Variants in ANKS3 observed in about 807,000 individuals in gnomAD.
ANKS3 encodes the protein ankyrin repeat and sterile alpha motif domain containing 3, also known as ankyrin repeat and SAM domain-containing protein 3.
Under a neutral mutation model 80.7 loss-of-function variants are expected in ANKS3, and 62 were observed. That is an observed-to-expected ratio of 0.77 (90% confidence interval 0.63 to 0.95). The LOEUF (loss-of-function observed/expected upper bound fraction) is 0.95, where lower values mean the gene tolerates loss of function less well. ANKS3 is among the 40% of genes least tolerant of loss of function. ANKS3 has a pLI of 0.00. For missense variants in ANKS3, 1,150 were observed against 883.6 expected, an observed-to-expected ratio of 1.30 and a Z score of -3.82; for synonymous variants, 489 against 355.3, an observed-to-expected ratio of 1.38 and a Z score of -4.23.
At chr16:4,696,953 C>G in intron 17 of ANKS3, 57 bp from the exon 18 acceptor site, 1 of 1,521,530 alleles carries the variant, frequency 6.6e-7, no homozygotes, top group South Asian at 1.1e-5. Flanking sequence ...ATACCCACAC[C>G]TGCAGCCGCC....
chr16:4,713,741 C>G (rs934081949), intron 7 of ANKS3, among the ~76,000 whole-genome samples: 1 of 152,192 alleles, frequency 6.6e-6, no homozygotes, highest in Non-Finnish European at 1.5e-5. Flanking sequence ...GAAGAATGAA[C>G]AAGCCATAGC....
At chr16:4,713,969 G>C (rs531699251) in intron 7 of ANKS3, 82 bp downstream of exon 7, 1 of 1,549,620 alleles carries the variant, frequency 6.5e-7, no homozygotes, top group African/African-American at 1.4e-5. Flanking sequence ...CGGGGAAGCG[G>C]GGGACATCTT....
rs2079759891 is a variant in ANKS3 at position 4,699,149 on chromosome 16, C to T, written c.1312G>A (p.Gly438Arg). 3 of 1,613,946 alleles carry T rather than the reference C, an allele frequency of 1.9e-6. No homozygotes were observed. Among genetic ancestry groups the T allele is most frequent in the South Asian group, 2.2e-5 (2 of 91,084 alleles). Residue 438 changes from glycine to arginine, a missense_variant, in exon 12 of 18, where the codon GGG (glycine) becomes AGG (arginine). Transcript: ENST00000304283. ...QDLAALLEQI[G>R]CLKYLQVFEE... ...AACACCTGCAGGTACTTCAGACACC[C>T]GATCTGCTCCAGCAGTGCGGCAAGG... is the stretch of plus-strand genomic sequence containing the variant.
intron 9 of ANKS3, 167 bp downstream of exon 9, chr16:4,701,935 G>C (rs1472466259): frequency 1.2e-6 from 1 of 839,500 alleles, no homozygotes; most frequent in Non-Finnish European, 1.8e-6. Flanking sequence ...TGGACCAGAA[G>C]CTTCTCCCAT....
Position 4,727,041 on chromosome 16 carries a change from G to C in ANKS3, c.307C>G (p.Gln103Glu). 1 of 1,614,188 alleles carries C rather than the reference G, an allele frequency of 6.2e-7. No individual in the cohort carries two copies. Among genetic ancestry groups the C allele is most frequent in the Non-Finnish European group, 8.5e-7 (1 of 1,180,054 alleles). The part of the protein sequence containing the change: ...VSVNVPTPEG[Q>E]TPLMLASSCG... ...CTGGAGGCCAGCATCAGTGGAGTCTGCCCTTCTGGGGTCGGCACATTCACA... is the reference window on the plus strand; with the variant it reads ...CTGGAGGCCAGCATCAGTGGAGTCTCCCCTTCTGGGGTCGGCACATTCACA... Residue 103 changes from glutamine (Q) to glutamate (E), a missense_variant, in exon 4 of 18, where the codon CAG becomes GAG. Physicochemically the swap from Gln to Glu is conservative, Grantham distance 29. Coordinates refer to ENST00000304283, the MANE Select transcript of ANKS3 (RefSeq NM_133450.4).
At chr16:4,711,849 T>C (rs959996320) in intron 7 of ANKS3, among the ~76,000 whole-genome samples, 1 of 151,496 alleles carries the variant, frequency 6.6e-6, no homozygotes, top group African/African-American at 2.4e-5. Flanking sequence ...AAAGAAAGTA[T>C]GAGGAGGCCA....
intron 11 of ANKS3, 176 bp downstream of exon 11, chr16:4,700,794 G>A (rs760288599): frequency 2.0e-5 from 17 of 861,738 alleles, no homozygotes; most frequent in East Asian, 7.3e-5. Context: ...GCGCTGCAGC[G>A]GGGCTGCCAG....
In ANKS3 at chr16:4,720,915, C is replaced by A. The variant is rs144836360; in HGVS notation, c.573+3835G>T. 7.6e-3 allele frequency among the ~76,000 whole-genome samples: 1,126 copies of A among 147,432 alleles called. 13 individuals carry two copies. Among genetic ancestry groups the A allele is most frequent in the African/African-American group, 0.027 (1,068 of 40,288 alleles). ...TTGCGCCACTGCACTCCAGCCAGGG[C>A]TACAGAGCGAGACTCCATCTCAAAA... is the stretch of plus-strand genomic sequence containing the variant. On this transcript the variant is annotated intron_variant, in intron 6 of 17. Transcript: ENST00000304283.
chr16:4,730,232 C>T, intron 2 of ANKS3, 81 bp from the exon 3 acceptor site: 6 of 1,299,122 alleles, frequency 4.6e-6, no homozygotes, highest in East Asian at 2.8e-5. Context: ...GCCCCTGCTA[C>T]ACCACTGCAC....
At chr16:4,715,245 A>G (rs1008139670) in intron 6 of ANKS3, among the ~76,000 whole-genome samples, 2 of 152,046 alleles carry the variant, frequency 1.3e-5, no homozygotes, top group Non-Finnish European at 2.9e-5. Context: ...TTGGACAACA[A>G]CCTGGGCAAC....
chr16:4,719,945 T>A (rs771725850), intron 6 of ANKS3, among the ~76,000 whole-genome samples: 1 of 128,202 alleles, frequency 7.8e-6, no homozygotes, highest in South Asian at 2.5e-4. Context: ...AGACAGATCA[T>A]GAGGTCAGGA....
intron 7 of ANKS3, among the ~76,000 whole-genome samples, chr16:4,707,475 T>TGA (rs1271582876): frequency 2.0e-5 from 3 of 151,878 alleles, no homozygotes; most frequent in African/African-American, 7.3e-5. Flanking sequence ...AGAGACAAGG[T>TGA]TTCACCATGT....
chr16:4,717,732 C>G (rs919391418), intron 6 of ANKS3, among the ~76,000 whole-genome samples: 2 of 152,064 alleles, frequency 1.3e-5, no homozygotes, highest in Non-Finnish European at 2.9e-5. Context: ...CATTGCAACC[C>G]TGACCTCCCC....
At chr16:4,706,171 G>C (rs778910176) in intron 7 of ANKS3, among the ~76,000 whole-genome samples, 1 of 152,008 alleles carries the variant, frequency 6.6e-6, no homozygotes, top group African/African-American at 2.4e-5. Flanking sequence ...TGGGATTATA[G>C]GCACGTTACC....
At chr16:4,703,252 A>G (rs781536093) in intron 8 of ANKS3, among the ~76,000 whole-genome samples, 19 of 152,138 alleles carry the variant, frequency 1.2e-4, no homozygotes, top group Non-Finnish European at 2.5e-4. Flanking sequence ...AACTGGGGCT[A>G]CAGGCATGGG....
At chr16:4,704,346 A>C (rs2080075251) in intron 8 of ANKS3, among the ~76,000 whole-genome samples, 1 of 152,182 alleles carries the variant, frequency 6.6e-6, no homozygotes, top group Non-Finnish European at 1.5e-5. Flanking sequence ...CTTGCTCCCG[A>C]GAAGGACCAG....
intron 7 of ANKS3, among the ~76,000 whole-genome samples, chr16:4,707,189 G>C (rs1315086626): frequency 1.3e-5 from 2 of 152,016 alleles, no homozygotes; most frequent in Non-Finnish European, 2.9e-5. Flanking sequence ...AAAAAGAACA[G>C]GCAGATGGAA....
intron 1 of ANKS3, 45 bp from the exon 2 acceptor site, chr16:4,731,624 A>C (rs2081622684): frequency 1.9e-5 from 17 of 903,584 alleles, no homozygotes; most frequent in Non-Finnish European, 2.3e-5. Flanking sequence ...ATGGTTATGA[A>C]ATTGAAAATT....
chr16:4,706,126 T>C (rs1036322093), intron 7 of ANKS3, among the ~76,000 whole-genome samples: 3 of 152,050 alleles, frequency 2.0e-5, no homozygotes, highest in Non-Finnish European at 2.9e-5. Context: ...ACTCCTGACC[T>C]CAGGTGATCC....
Sources: gnomAD v4.1 joint callset for allele counts (sites outside exome capture counted in the v4.1 genomes callset) on GRCh38, gnomAD v4.1.1 for gene constraint, MANE v1.5 for transcripts, NCBI Gene and HGNC (gene_info 2026-07-23, HGNC 2026-07-21) for gene names.